CNTNAP5: variants seen among roughly 807,000 people sequenced by gnomAD.
CNTNAP5 encodes the protein contactin-associated protein-like 5.
CNTNAP5 carries 72 observed loss-of-function variants against 150.2 expected under a neutral mutation model. The observed-to-expected ratio is 0.48, with a 90% CI of 0.40 to 0.58. The LOEUF (loss-of-function observed/expected upper bound fraction) is 0.58. Ranked by LOEUF, CNTNAP5 falls within the 20% of genes least tolerant of loss-of-function variation. The pLI, the probability that CNTNAP5 is intolerant of heterozygous loss-of-function variation, is 0.00. For synonymous variants in CNTNAP5, 672 were observed against 619.8 expected (o/e 1.08, Z -1.25); for missense variants, 1,636 against 1,626.2 (o/e 1.01, Z -0.10).
At chr2:124,210,304 G>A (rs1685972608) in intron 1 of CNTNAP5, among the ~76,000 whole-genome samples, 1 of 152,066 alleles carries the variant, frequency 6.6e-6, no homozygotes, top group Non-Finnish European at 1.5e-5. Context: ...TCTAAATGTG[G>A]GACCATTTAT....
chr2:124,459,220 A>G (rs1420896312), intron 6 of CNTNAP5, among the ~76,000 whole-genome samples: 1 of 152,204 alleles, frequency 6.6e-6, no homozygotes, highest in Non-Finnish European at 1.5e-5. Flanking sequence ...CCCAGAGTAC[A>G]CTCAGCCACA....
intron 12 of CNTNAP5, among the ~76,000 whole-genome samples, chr2:124,640,195 C>T (rs1678061586): frequency 6.6e-6 from 1 of 152,078 alleles, no homozygotes; most frequent in Non-Finnish European, 1.5e-5. Flanking sequence ...ACACCACTAC[C>T]CCCTAAGACC....
intron 1 of CNTNAP5, among the ~76,000 whole-genome samples, chr2:124,112,464 G>A (rs1051420791): frequency 1.3e-5 from 2 of 152,136 alleles, no homozygotes; most frequent in African/African-American, 4.8e-5. Flanking sequence ...GTTAGTTTCT[G>A]TTCTGTTTCT....
intron 2 of CNTNAP5, 97 bp downstream of exon 2, chr2:124,221,906 C>T (rs1686331207): frequency 4.1e-6 from 3 of 730,912 alleles, no homozygotes. Context: ...GAAATCATGT[C>T]CAATGGCCGT....
intron 3 of CNTNAP5, among the ~76,000 whole-genome samples, chr2:124,295,155 G>T (rs1573897414): frequency 6.9e-6 from 1 of 144,134 alleles, no homozygotes. Context: ...CAAACAAACA[G>T]ACAAACTAGA....
chr2:124,883,632 A>T (rs943244897), intron 21 of CNTNAP5, among the ~76,000 whole-genome samples: 16 of 152,074 alleles, frequency 1.1e-4, no homozygotes, highest in African/African-American at 2.4e-5. Flanking sequence ...GGTGATGTAC[A>T]TCCTGGTACA....
intron 19 of CNTNAP5, among the ~76,000 whole-genome samples, chr2:124,856,392 T>C (rs1677374337): frequency 6.6e-6 from 1 of 152,230 alleles, no homozygotes; most frequent in Non-Finnish European, 1.5e-5. Context: ...GTTCTACTTT[T>C]AGTTCTTTAA....
chr2:124,209,947 A>G (rs1216766878), intron 1 of CNTNAP5, among the ~76,000 whole-genome samples: 1 of 152,240 alleles, frequency 6.6e-6, no homozygotes, highest in Non-Finnish European at 1.5e-5. Flanking sequence ...ACAGAGTCAA[A>G]TATAAACACA....
intron 3 of CNTNAP5, among the ~76,000 whole-genome samples, chr2:124,329,258 G>A (rs564820601): frequency 9.9e-5 from 15 of 152,274 alleles, no homozygotes; most frequent in African/African-American, 3.4e-4. Context: ...AAAAAAAAAT[G>A]TGTGGTGTGG....
At chr2:124,845,718 G>T (rs1327328098) in intron 19 of CNTNAP5, among the ~76,000 whole-genome samples, 1 of 151,974 alleles carries the variant, frequency 6.6e-6, no homozygotes, top group East Asian at 1.9e-4. Flanking sequence ...ATCTAGGACG[G>T]TTGTGTATTT....
chr2:124,730,575 G>A (rs138146207), intron 13 of CNTNAP5, among the ~76,000 whole-genome samples: 4 of 151,924 alleles, frequency 2.6e-5, no homozygotes, highest in African/African-American at 9.6e-5. Flanking sequence ...ACTAGCCAAT[G>A]TTTTCAGTAT....
intron 4 of CNTNAP5, among the ~76,000 whole-genome samples, chr2:124,422,325 C>T (rs907658035): frequency 1.1e-4 from 17 of 152,176 alleles, no homozygotes; most frequent in African/African-American, 1.7e-4. Context: ...GAAATATTAA[C>T]ATATTTCTTC....
chr2:124,701,967 A>G (rs956863701), intron 13 of CNTNAP5, among the ~76,000 whole-genome samples: 1 of 152,094 alleles, frequency 6.6e-6, no homozygotes, highest in Non-Finnish European at 1.5e-5. Flanking sequence ...TATATATAAA[A>G]TTTAAAAATT....
intron 17 of CNTNAP5, among the ~76,000 whole-genome samples, chr2:124,775,183 A>G (rs1681293937): frequency 6.6e-6 from 1 of 152,228 alleles, no homozygotes; most frequent in African/African-American, 2.4e-5. Flanking sequence ...TGATATGCCC[A>G]TTTAGAAATG....
chr2:124,392,687 C>CAA (rs35107442), intron 3 of CNTNAP5, among the ~76,000 whole-genome samples: 1,196 of 68,094 alleles, frequency 0.018, 6 homozygotes, highest in East Asian at 0.041. Flanking sequence ...TTTTCTTTGC[C>CAA]AAAAAAAAAA....
rs1442137025 is a variant in CNTNAP5 at position 124,504,440 on chromosome 2, T to C, written c.1211T>C (p.Leu404Pro). 6.2e-7 allele frequency: 1 copy of C among 1,613,896 alleles called. No homozygotes were observed. The highest frequency in any genetic ancestry group is 2.2e-5 in the East Asian group (1 of 44,854). ...TTTCGAACATGGAACAAGGATGGTCTGCTTCTGTCCACAGAGCTGTCTGAG... is the reference window on the plus strand; with the variant it reads ...TTTCGAACATGGAACAAGGATGGTCCGCTTCTGTCCACAGAGCTGTCTGAG... ...FQFRTWNKDGLLLSTELSEGS... is the reference protein window; with the variant it reads ...FQFRTWNKDGPLLSTELSEGS... Residue 404 changes from leucine to proline, a missense_variant, in exon 8 of 24, where the codon CTG (leucine) becomes CCG (proline). Coordinates refer to ENST00000682447, the MANE Select transcript of CNTNAP5 (RefSeq NM_001367498.1).
intron 20 of CNTNAP5, among the ~76,000 whole-genome samples, chr2:124,867,441 T>G (rs1558806509): frequency 1.3e-5 from 2 of 152,208 alleles, no homozygotes; most frequent in Non-Finnish European, 2.9e-5. Flanking sequence ...AAGGCATCAT[T>G]GTGCTTACCT....
intron 1 of CNTNAP5, among the ~76,000 whole-genome samples, chr2:124,191,408 G>A (rs1685454264): frequency 2.0e-5 from 3 of 152,080 alleles, no homozygotes; most frequent in East Asian, 1.9e-4. Context: ...TGGTATTTTT[G>A]CCAAACAGAC....
chr2:124,360,939 G>A (rs1347759882), intron 3 of CNTNAP5, among the ~76,000 whole-genome samples: 1 of 145,216 alleles, frequency 6.9e-6, no homozygotes, highest in East Asian at 2.0e-4. Context: ...ATCACTTTCA[G>A]GTACACCAAT....
Sources: gnomAD v4.1 joint callset for allele counts (sites outside exome capture counted in the v4.1 genomes callset) on GRCh38, gnomAD v4.1.1 for gene constraint, MANE v1.5 for transcripts, NCBI Gene and HGNC (gene_info 2026-07-23, HGNC 2026-07-21) for gene names.